The following CFAP57 variants were observed in gnomAD, a reference collection of about 807,000 sequenced individuals.
CFAP57 encodes the protein cilia- and flagella-associated protein 57.
A neutral mutation model predicts 146.8 loss-of-function variants in CFAP57; 116 were observed. That is an observed-to-expected ratio of 0.79 (90% CI 0.68 to 0.92). The LOEUF (loss-of-function observed/expected upper bound fraction) is 0.92. Among genes scored for constraint, CFAP57 ranks in the 40% least tolerant of loss-of-function variants. The pLI, the probability that CFAP57 is intolerant of heterozygous loss-of-function variation, is 0.00. For synonymous variants in CFAP57, 518 were observed against 552.8 expected (o/e 0.94, Z 0.88); for missense variants, 1,377 against 1,527.2 (o/e 0.90, Z 1.64).
chr1:43,234,243 C>A, intron 19 of CFAP57, 36 bp from the exon 20 acceptor site: 1 of 1,514,576 alleles, frequency 6.6e-7, no homozygotes, highest in Non-Finnish European at 8.9e-7. Flanking sequence ...ACCGAGAGCA[C>A]CCTACAGCAC....
chr1:43,235,036 C>T (rs1375520732), intron 21 of CFAP57, among the ~76,000 whole-genome samples: 1 of 152,106 alleles, frequency 6.6e-6, no homozygotes, highest in Non-Finnish European at 1.5e-5. Flanking sequence ...AGCCACTTTC[C>T]CTTCTCTCTT....
At chr1:43,199,146 G>A (rs1570015337) in intron 8 of CFAP57, among the ~76,000 whole-genome samples, 1 of 152,164 alleles carries the variant, frequency 6.6e-6, no homozygotes, top group African/African-American at 2.4e-5. Context: ...GATTGCTTGT[G>A]GTCCCAACGG....
intron 19 of CFAP57, among the ~76,000 whole-genome samples, chr1:43,233,254 G>C (rs887285707): frequency 2.6e-5 from 4 of 152,210 alleles, no homozygotes; most frequent in African/African-American, 9.7e-5. Context: ...ACTTTGGGAG[G>C]CCGAGGCAGG....
intron 2 of CFAP57, among the ~76,000 whole-genome samples, chr1:43,175,773 T>G (rs1264033905): frequency 6.6e-6 from 1 of 151,334 alleles, no homozygotes; most frequent in East Asian, 1.9e-4. Flanking sequence ...CCCAAGTAGC[T>G]GGGATTACAG....
chr1:43,207,845 C>T (rs148501102), intron 10 of CFAP57, among the ~76,000 whole-genome samples: 247 of 152,338 alleles, frequency 1.6e-3, no homozygotes, highest in African/African-American at 5.5e-3. Flanking sequence ...GCAGATCTCC[C>T]GTGGCTGGAA....
At chr1:43,174,173 G>GAT (rs144592878) in intron 2 of CFAP57, among the ~76,000 whole-genome samples, 3,297 of 151,766 alleles carry the variant, frequency 0.022, 123 homozygotes, top group African/African-American at 0.076. Flanking sequence ...TAATTTGTCA[G>GAT]ATATATATAT....
chr1:43,250,601 C>T (rs1416125502), intron 22 of CFAP57, among the ~76,000 whole-genome samples: 1 of 152,194 alleles, frequency 6.6e-6, no homozygotes, highest in Non-Finnish European at 1.5e-5. Flanking sequence ...ATATCAAACA[C>T]ACACAATCAC....
At chr1:43,189,044 G>C (rs910796743) in intron 6 of CFAP57, among the ~76,000 whole-genome samples, 6 of 152,206 alleles carry the variant, frequency 3.9e-5, no homozygotes, top group South Asian at 2.1e-4. Flanking sequence ...TTGGCATCTT[G>C]TTGGAAATCA....
intron 2 of CFAP57, among the ~76,000 whole-genome samples, chr1:43,174,742 G>A (rs1401382054): frequency 3.3e-5 from 5 of 152,194 alleles, no homozygotes; most frequent in African/African-American, 1.2e-4. Flanking sequence ...CTTGAACCCG[G>A]GAGGCAGAGG....
At chr1:43,247,363 A>C (rs1489614676) in intron 22 of CFAP57, among the ~76,000 whole-genome samples, 1 of 152,208 alleles carries the variant, frequency 6.6e-6, no homozygotes, top group Non-Finnish European at 1.5e-5. Flanking sequence ...ACAATTCAAT[A>C]TCCTTAAGTC....
chr1:43,239,867 C>A (rs1030457898), intron 21 of CFAP57, among the ~76,000 whole-genome samples: 1 of 152,202 alleles, frequency 6.6e-6, no homozygotes, highest in Non-Finnish European at 1.5e-5. Flanking sequence ...TGGTCTGTAA[C>A]TTCCTTATTA....
intron 5 of CFAP57, 116 bp downstream of exon 5, chr1:43,185,472 G>A: frequency 1.2e-6 from 1 of 847,988 alleles, no homozygotes; most frequent in Non-Finnish European, 1.9e-6. Flanking sequence ...TTGCTGAGCA[G>A]AAATGGTGAA....
intron 22 of CFAP57, among the ~76,000 whole-genome samples, chr1:43,245,849 C>CA (rs1183678142): frequency 1.3e-5 from 2 of 152,046 alleles, no homozygotes; most frequent in African/African-American, 4.8e-5. Context: ...TACAAAGGAT[C>CA]AAAAATCACA....
chr1:43,232,475 T>G, intron 18 of CFAP57, 33 bp from the exon 19 acceptor site: 1 of 1,526,590 alleles, frequency 6.6e-7, no homozygotes, highest in South Asian at 1.2e-5. Context: ...TCTAACTTTC[T>G]TCTTCTTGAC....
In CFAP57 at chr1:43,234,648, T is replaced by A; in HGVS notation, c.3405+10T>A. The stretch of plus-strand genomic sequence containing the variant: ...CGTCCGCATCATGCAGGTACCTGCA[T>A]GCTCCCCTCAGCCCCTGTGGAGGCC... On this transcript the variant is annotated intron_variant, in intron 21 of 22. Transcript: ENST00000372492. 6.5e-7 allele frequency: 1 copy of A among 1,546,978 alleles called. No individual in the cohort carries two copies. Among genetic ancestry groups the A allele is most frequent in the Non-Finnish European group, 8.7e-7 (1 of 1,145,126 alleles).
chr1:43,186,538 G>A (rs1165997153), intron 5 of CFAP57, among the ~76,000 whole-genome samples, 169 bp from the exon 6 acceptor site: 2 of 150,716 alleles, frequency 1.3e-5, no homozygotes, highest in Non-Finnish European at 2.9e-5. Flanking sequence ...GTGAACCCGG[G>A]AGGCGGAGCT....
chr1:43,185,268 G>C lies in CFAP57; in HGVS notation c.881G>C (p.Gly294Ala), dbSNP rs1436458363. Residue 294 changes from glycine (G) to alanine (A), a missense_variant, in exon 5 of 23, where the codon GGA becomes GCA. Physicochemically the swap from Gly to Ala is moderately conservative, Grantham distance 60. Coordinates refer to ENST00000372492, the MANE Select transcript of CFAP57 (RefSeq NM_001378189.1). ...TTTGCCATTGCAGCCTATTCAAAGG[G>C]ATTTGCCTGTTCTGCTGGGCCAGGG... ...QVFAIAAYSK[G>A]FACSAGPGRV... The C allele has an allele frequency of 6.2e-7, 1 of 1,614,154 alleles. No homozygotes were observed. Among genetic ancestry groups the C allele is most frequent in the Non-Finnish European group, 8.5e-7 (1 of 1,180,040 alleles).
At position 43,238,029 on chromosome 1, in the gene CFAP57, G is replaced by T. The variant is rs773904063; in HGVS notation, c.3405+3391G>T. Reference sequence around the variant, plus strand: ...AAGGGGAAAGTTGTGGTGTCAAAAGGCATTTCAGAGTAGAAATGACAAATA... The same window carrying T: ...AAGGGGAAAGTTGTGGTGTCAAAAGTCATTTCAGAGTAGAAATGACAAATA... On this transcript the variant is annotated intron_variant, in intron 21 of 22. Transcript: ENST00000372492. The surrounding 1 kb of genome is among the most constrained non-coding windows in gnomAD (Gnocchi z 4.3). Among the ~76,000 whole-genome samples, 8 of 152,186 alleles carry T rather than the reference G, an allele frequency of 5.3e-5. No individual in the cohort carries two copies. Among genetic ancestry groups the T allele is most frequent in the Non-Finnish European group, 7.3e-5 (5 of 68,044 alleles).
chr1:43,210,440 C>T lies in CFAP57; in HGVS notation c.1929+524C>T, dbSNP rs575793671. Reference sequence around the variant, plus strand: ...AAGCAACCAAGCATCCATCGACAGACGAATGCATAAGCAAAAGATGGTATA... The same window carrying T: ...AAGCAACCAAGCATCCATCGACAGATGAATGCATAAGCAAAAGATGGTATA... On this transcript the variant is annotated intron_variant, in intron 11 of 22. Transcript: ENST00000372492. The T allele has an allele frequency of 1.4e-4, 154 of 1,118,662 alleles. 1 individual carries two copies. In the East Asian group the frequency reaches 1.6e-3, roughly 12 times the overall value. 69.3% of individuals were successfully genotyped at this position (1,118,662 alleles called of 1,614,324 possible). A position where few individuals can be genotyped will look rare whatever the true frequency, so the allele number is the denominator to read the frequency against.
Sources: gnomAD v4.1 joint callset for allele counts (sites outside exome capture counted in the v4.1 genomes callset) on GRCh38, gnomAD v4.1.1 for gene constraint, Gnocchi (gnomAD v3.1) non-coding constraint, MANE v1.5 for transcripts, NCBI Gene and HGNC (gene_info 2026-07-23, HGNC 2026-07-21) for gene names.